The following LCLAT1 variants were observed in gnomAD, a reference collection of about 807,000 sequenced individuals.
LCLAT1 encodes the protein 1-AGP acyltransferase 8.
Under a neutral mutation model 30.7 loss-of-function variants are expected in LCLAT1, and 11 were observed. The observed-to-expected ratio is 0.36, with a 90% confidence interval of 0.23 to 0.59. LCLAT1 has a LOEUF of 0.59. Among genes scored for constraint, LCLAT1 ranks in the 20% least tolerant of loss-of-function variants. The probability of loss-of-function intolerance (pLI) is 0.77; values close to 1 mark genes in which losing one functional copy is unlikely to be tolerated. For missense variants in LCLAT1, 402 were observed against 458.6 expected (o/e 0.88, Z 1.13); for synonymous variants, 155 against 151.3 (o/e 1.02, Z -0.18).
chr2:30,504,101 TA>T (rs1462414441), intron 1 of LCLAT1, among the ~76,000 whole-genome samples: 3 of 152,124 alleles, frequency 2.0e-5, no homozygotes, highest in Non-Finnish European at 2.9e-5. Context: ...TGTGTGTGTT[TA>T]TATATGTGTG....
At chr2:30,498,513 A>T (rs1684221826) in intron 1 of LCLAT1, among the ~76,000 whole-genome samples, 1 of 152,204 alleles carries the variant, frequency 6.6e-6, no homozygotes, top group Non-Finnish European at 1.5e-5. Flanking sequence ...CCATTGAAGG[A>T]CATGGGCTCT....
At chr2:30,615,869 CTGAT>C (rs1357279424) in intron 5 of LCLAT1, among the ~76,000 whole-genome samples, 3 of 152,184 alleles carry the variant, frequency 2.0e-5, no homozygotes, top group Non-Finnish European at 4.4e-5. Flanking sequence ...CGTCTTCAGA[CTGAT>C]TGAATGATCA....
chr2:30,610,873 A>T (rs952177846), intron 5 of LCLAT1, among the ~76,000 whole-genome samples: 7 of 152,240 alleles, frequency 4.6e-5, no homozygotes, highest in African/African-American at 1.4e-4. Context: ...ATAACTTTTT[A>T]AAAAATTTCT....
chr2:30,471,198 C>T (rs1339700453), intron 1 of LCLAT1, among the ~76,000 whole-genome samples: 1 of 150,986 alleles, frequency 6.6e-6, no homozygotes, highest in African/African-American at 2.4e-5. Flanking sequence ...TGGCATGAGC[C>T]ACTGCACCCG....
intron 5 of LCLAT1, among the ~76,000 whole-genome samples, chr2:30,604,093 G>GC (rs1425573070): frequency 8.4e-6 from 1 of 119,532 alleles, no homozygotes; most frequent in Non-Finnish European, 1.9e-5. Flanking sequence ...AACAGAGTAA[G>GC]CACATGTCCC....
At chr2:30,534,822 A>G (rs1430513662) in intron 3 of LCLAT1, among the ~76,000 whole-genome samples, 1 of 152,194 alleles carries the variant, frequency 6.6e-6, no homozygotes, top group East Asian at 1.9e-4. Flanking sequence ...GAGGGAGCAT[A>G]GCCCCACAGA....
intron 1 of LCLAT1, among the ~76,000 whole-genome samples, chr2:30,489,595 G>T (rs1329851268): frequency 6.6e-6 from 1 of 152,128 alleles, no homozygotes; most frequent in Non-Finnish European, 1.5e-5. Flanking sequence ...CTCGTGATCT[G>T]CCCGCCTTGG....
chr2:30,567,993 A>T, intron 4 of LCLAT1, 67 bp from the exon 5 acceptor site: 1 of 792,456 alleles, frequency 1.3e-6, no homozygotes, highest in Non-Finnish European at 2.1e-6. Context: ...AAAATTCTGC[A>T]CTTCTTTCCT....
At chr2:30,591,928 A>G (rs896350144) in intron 5 of LCLAT1, among the ~76,000 whole-genome samples, 1 of 152,078 alleles carries the variant, frequency 6.6e-6, no homozygotes, top group Non-Finnish European at 1.5e-5. Context: ...ATGTTCCTAT[A>G]TCTTCTACAT....
intron 5 of LCLAT1, 86 bp downstream of exon 5, chr2:30,568,262 G>T: frequency 6.8e-6 from 4 of 591,194 alleles, no homozygotes; most frequent in Non-Finnish European, 5.9e-6. Flanking sequence ...GTTTGTAAAG[G>T]ATTTTTTACT....
intron 5 of LCLAT1, among the ~76,000 whole-genome samples, chr2:30,580,125 A>G (rs941647043): frequency 2.6e-5 from 4 of 152,158 alleles, no homozygotes; most frequent in African/African-American, 9.6e-5. Flanking sequence ...AATTACAAAG[A>G]TGTTTTCTAG....
intron 2 of LCLAT1, among the ~76,000 whole-genome samples, chr2:30,532,824 A>C (rs1023977506): frequency 3.9e-5 from 6 of 152,146 alleles, no homozygotes; most frequent in African/African-American, 1.4e-4. Context: ...ATTACACAGT[A>C]GAATATTGAT....
intron 5 of LCLAT1, 33 bp from the exon 6 acceptor site, chr2:30,640,084 C>A: frequency 6.4e-7 from 1 of 1,564,910 alleles, no homozygotes; most frequent in Non-Finnish European, 8.7e-7. Context: ...TTGAGCACTG[C>A]TTAATCTATG....
intron 5 of LCLAT1, among the ~76,000 whole-genome samples, chr2:30,629,410 A>C (rs1218091328): frequency 6.6e-6 from 1 of 152,046 alleles, no homozygotes; most frequent in Non-Finnish European, 1.5e-5. Flanking sequence ...AAATACAAAA[A>C]TTAGCCGGGC....
intron 5 of LCLAT1, among the ~76,000 whole-genome samples, chr2:30,579,705 A>G (rs1436256871): frequency 6.6e-6 from 1 of 152,168 alleles, no homozygotes; most frequent in Non-Finnish European, 1.5e-5. Flanking sequence ...ACTAAGTTAG[A>G]GAAGTAGTCT....
intron 2 of LCLAT1, among the ~76,000 whole-genome samples, chr2:30,529,788 G>T (rs1011230179): frequency 6.6e-6 from 1 of 152,164 alleles, no homozygotes; most frequent in African/African-American, 2.4e-5. Flanking sequence ...TAACAAAGTG[G>T]GTGCTCAGTG....
chr2:30,486,557 G>T (rs1386297263), intron 1 of LCLAT1, among the ~76,000 whole-genome samples: 1 of 152,074 alleles, frequency 6.6e-6, no homozygotes, highest in African/African-American at 2.4e-5. Flanking sequence ...TTGTTCACAT[G>T]GTTCCCTCCT....
At chr2:30,450,425 T>TAC (rs1681488912) in intron 1 of LCLAT1, among the ~76,000 whole-genome samples, 1 of 137,480 alleles carries the variant, frequency 7.3e-6, no homozygotes, top group African/African-American at 2.6e-5. Context: ...GTGGGAACTC[T>TAC]CCTGCGGGCA....
chr2:30,580,980 G>A (rs1356296161), intron 5 of LCLAT1, among the ~76,000 whole-genome samples: 1 of 152,154 alleles, frequency 6.6e-6, no homozygotes, highest in African/African-American at 2.4e-5. Context: ...GAGAAGGTGA[G>A]GGATGCTTTG....
Sources: allele counts gnomAD v4.1 joint callset (sites outside exome capture counted in the v4.1 genomes callset), GRCh38; gene constraint gnomAD v4.1.1; transcripts MANE v1.5; gene names NCBI Gene and HGNC (gene_info 2026-07-23, HGNC 2026-07-21).